The following PIWIL1 variants were observed in gnomAD, a reference collection of about 807,000 sequenced individuals.
PIWIL1 encodes piwi like RNA-mediated gene silencing 1.
A neutral mutation model predicts 114.4 loss-of-function variants in PIWIL1; 73 were observed. The ratio of observed to expected loss-of-function variants is 0.64; its 90% confidence interval spans 0.53 to 0.78. The LOEUF is 0.78. Ranked by LOEUF, PIWIL1 falls within the 30% of genes least tolerant of loss-of-function variation. The probability of loss-of-function intolerance (pLI) is 0.00; values close to 1 mark genes in which losing one functional copy is unlikely to be tolerated. For synonymous variants in PIWIL1, 375 were observed against 369.0 expected (o/e 1.02, Z -0.19); for missense variants, 723 against 1,063.1 (o/e 0.68, Z 4.45).
the PIWIL1 span, among the ~76,000 whole-genome samples, chr12:130,391,965 C>G: frequency 3.5e-3 from 530 of 152,300 alleles, 4 homozygotes; most frequent in African/African-American, 0.012. Context: ...GTGTGTCCAT[C>G]AGTTACCTGG....
At chr12:130,357,195 T>C in intron 13 of PIWIL1, 90 bp downstream of exon 13, 2 of 1,062,406 alleles carry the variant, frequency 1.9e-6, no homozygotes, top group South Asian at 3.3e-5. Flanking sequence ...TACGTTATCT[T>C]AATTGAAAGG....
chr12:130,380,736 A>C, the PIWIL1 span, among the ~76,000 whole-genome samples: 1 of 152,252 alleles, frequency 6.6e-6, no homozygotes, highest in Non-Finnish European at 1.5e-5. Context: ...TACTCAAGAT[A>C]AAAGGGCCTT....
chr12:130,411,902 A>C, the PIWIL1 span, among the ~76,000 whole-genome samples: 1 of 152,168 alleles, frequency 6.6e-6, no homozygotes, highest in Admixed American at 6.5e-5. Flanking sequence ...TTGTCTTTGA[A>C]GTCTGATTTA....
chr12:130,356,057 T>TA (rs1381174348), intron 12 of PIWIL1, among the ~76,000 whole-genome samples: 1 of 152,054 alleles, frequency 6.6e-6, no homozygotes, highest in African/African-American at 2.4e-5. Context: ...TTTTTTTTTT[T>TA]TTCAATAACT....
At chr12:130,397,271 GT>G in the PIWIL1 span, 2 of 396,512 alleles carry the variant, frequency 5.0e-6, no homozygotes, top group Non-Finnish European at 8.9e-6. Flanking sequence ...AGAAGATTGG[GT>G]TTTTTTAGGA....
intron 12 of PIWIL1, 54 bp downstream of exon 12, chr12:130,355,721 T>C (rs1006925438): frequency 8.1e-7 from 1 of 1,232,992 alleles, no homozygotes; most frequent in African/African-American, 1.5e-5. Context: ...AGTCTCGCTC[T>C]GTCCCCCAGG....
chr12:130,364,388 C>T (rs1375369488), intron 18 of PIWIL1, among the ~76,000 whole-genome samples: 1 of 152,160 alleles, frequency 6.6e-6, no homozygotes. Flanking sequence ...GAGGTCATTC[C>T]TTATTTCTAC....
At chr12:130,377,588 A>T (rs1005680783), downstream of PIWIL1, among the ~76,000 whole-genome samples, 3 of 152,232 alleles carry the variant, frequency 2.0e-5, no homozygotes, top group Non-Finnish European at 4.4e-5. Context: ...GCTGTATCTG[A>T]ACACCAGATG....
chr12:130,379,116 G>C, the PIWIL1 span, among the ~76,000 whole-genome samples: 1,302 of 152,328 alleles, frequency 8.5e-3, 19 homozygotes, highest in African/African-American at 0.03. Context: ...ATTTGGAATA[G>C]TATTTGGAAA....
At chr12:130,393,350 G>A in the PIWIL1 span, among the ~76,000 whole-genome samples, 43 of 145,628 alleles carry the variant, frequency 3.0e-4, 2 homozygotes, top group Non-Finnish European at 2.9e-4. Flanking sequence ...ACGTGTGTCC[G>A]TCAGTTACCT....
chr12:130,406,282 C>A, the PIWIL1 span: 2 of 1,371,916 alleles, frequency 1.5e-6, no homozygotes, highest in Non-Finnish European at 2.1e-6. Flanking sequence ...TATTTTTCTA[C>A]ACAACAGTAG....
Position 130,343,044 on chromosome 12 carries a change from G to A in PIWIL1, c.133G>A (p.Glu45Lys), listed in dbSNP as rs2072969107. 6.2e-7 allele frequency: 1 copy of A among 1,614,098 alleles called. No homozygotes were observed. ...PRPQPPPAEG[E>K]LFGRGRQRGT... ...GCCTCAGCCGCCACCAGCAGAGGGG[G>A]AATTATTTGGCCGTGGACGGCAGAG... The change falls in exon 3 of 21, where the codon GAA becomes AAA. Residue 45 changes from glutamate (E) to lysine (K), a missense_variant. Physicochemically the swap from Glu to Lys is moderately conservative, Grantham distance 56. This residue lies in a region of PIWIL1 where 91 missense variants were observed against 76.2 expected (regional missense o/e 1.19). Transcript: ENST00000245255.
chr12:130,391,128 A>G, the PIWIL1 span, among the ~76,000 whole-genome samples: 1 of 152,062 alleles, frequency 6.6e-6, no homozygotes, highest in East Asian at 1.9e-4. Context: ...GCTTCCTACT[A>G]AGTTCCTCAG....
the PIWIL1 span, among the ~76,000 whole-genome samples, chr12:130,395,153 T>C: frequency 2.0e-5 from 3 of 152,178 alleles, no homozygotes; most frequent in African/African-American, 7.2e-5. Context: ...TTCTGTTCTT[T>C]GAGTACTCTG....
the PIWIL1 span, among the ~76,000 whole-genome samples, chr12:130,385,011 C>T: frequency 2.6e-5 from 4 of 152,076 alleles, no homozygotes; most frequent in Admixed American, 1.3e-4. Flanking sequence ...ATCTCTTTTT[C>T]GGTAAAATTG....
the PIWIL1 span, among the ~76,000 whole-genome samples, chr12:130,392,979 T>G: frequency 7.7e-6 from 1 of 129,088 alleles, no homozygotes. Flanking sequence ...TCATCACGTG[T>G]GTGCGTCAGT....
At chr12:130,359,067 T>C (rs1372209838) in intron 14 of PIWIL1, among the ~76,000 whole-genome samples, 2 of 150,854 alleles carry the variant, frequency 1.3e-5, no homozygotes, top group African/African-American at 5.0e-5. Flanking sequence ...ATTTCTTCTC[T>C]AACACTCCTC....
the PIWIL1 span, chr12:130,412,495 A>T: frequency 1.1e-6 from 1 of 911,196 alleles, no homozygotes; most frequent in Non-Finnish European, 1.7e-6. Context: ...GTCAACATTT[A>T]CATGACTTTG....
At position 130,363,137 on chromosome 12, in the gene PIWIL1, G is replaced by T; in HGVS notation, c.2188G>T (p.Gly730Cys). 6.2e-7 allele frequency: 1 copy of T among 1,613,574 alleles called. No individual in the cohort carries two copies. The highest frequency in any genetic ancestry group is 8.5e-7 in the Non-Finnish European group (1 of 1,179,692). Residue 730 changes from glycine to cysteine, a missense_variant, in exon 18 of 21, where the codon GGT becomes TGT. Coordinates refer to ENST00000245255, the MANE Select transcript of PIWIL1 (RefSeq NM_004764.5). The part of the protein sequence containing the change: ...FLDCLKSIGR[G>C]YNPRLTVIVV... ...GGATTGTCTAAAATCCATTGGTAGA[G>T]GTTACAAGTAAGCATGCAAATTGTA...
Sources: allele counts gnomAD v4.1 joint callset (sites outside exome capture counted in the v4.1 genomes callset), GRCh38; gene constraint gnomAD v4.1.1; regional missense constraint gnomAD v4.1.1; transcripts MANE v1.5; gene names NCBI Gene and HGNC (gene_info 2026-07-23, HGNC 2026-07-21).